Variants in OXR1 observed in about 807,000 individuals in gnomAD.
OXR1 encodes the protein oxidation resistance 1, also known as oxidation resistance protein 1.
In OXR1, 41 loss-of-function variants were observed where a neutral mutation model predicts 104.6. The ratio of observed to expected loss-of-function variants is 0.39; its 90% confidence interval spans 0.31 to 0.51. OXR1 has a LOEUF of 0.51. Ranked by LOEUF, OXR1 falls within the 20% of genes least tolerant of loss-of-function variation. The pLI is 0.77. For synonymous variants in OXR1, 348 were observed against 348.4 expected, an observed-to-expected ratio of 1.00 and a Z score of 0.01; for missense variants, 955 against 1,031.9, an observed-to-expected ratio of 0.93 and a Z score of 1.02.
intron 7 of OXR1, among the ~76,000 whole-genome samples, chr8:106,702,346 T>C (rs1193243030): frequency 6.6e-6 from 1 of 152,204 alleles, no homozygotes; most frequent in Non-Finnish European, 1.5e-5. Flanking sequence ...ACTTTAGATG[T>C]CATATAATCT....
At chr8:106,448,110 C>G in intron 2 of OXR1, 1 of 1,507,000 alleles carries the variant, frequency 6.6e-7, no homozygotes, top group Non-Finnish European at 8.9e-7. Context: ...AAAACGTTTC[C>G]TAGTTCCATT....
chr8:106,536,107 C>T (rs1209057905), intron 3 of OXR1, among the ~76,000 whole-genome samples: 1 of 151,862 alleles, frequency 6.6e-6, no homozygotes, highest in African/African-American at 2.4e-5. Flanking sequence ...GTAGTCCCAG[C>T]TACTCGGGAG....
At chr8:106,600,215 T>A (rs118102090) in intron 3 of OXR1, among the ~76,000 whole-genome samples, 3,789 of 152,310 alleles carry the variant, frequency 0.025, 67 homozygotes, top group South Asian at 0.045. Flanking sequence ...ATAGGAGTAA[T>A]GGAAACCATG....
chr8:106,725,210 G>T (rs1467786411), intron 11 of OXR1, among the ~76,000 whole-genome samples: 4 of 152,060 alleles, frequency 2.6e-5, no homozygotes, highest in African/African-American at 4.8e-5. Flanking sequence ...TGTGGGGTGT[G>T]CTGTGCCCTG....
At chr8:106,470,468 C>G (rs11990584) in intron 2 of OXR1, among the ~76,000 whole-genome samples, 1 of 151,564 alleles carries the variant, frequency 6.6e-6, no homozygotes, top group Non-Finnish European at 1.5e-5. Flanking sequence ...TGCCACCAAC[C>G]AAGATGGGAA....
intron 1 of OXR1, among the ~76,000 whole-genome samples, chr8:106,304,219 T>G (rs1813382708): frequency 6.6e-6 from 1 of 152,200 alleles, no homozygotes; most frequent in African/African-American, 2.4e-5. Context: ...ATTTATTTTT[T>G]TAAAGGCAAA....
At chr8:106,396,197 G>C (rs1817774908) in intron 2 of OXR1, among the ~76,000 whole-genome samples, 1 of 152,046 alleles carries the variant, frequency 6.6e-6, no homozygotes. Context: ...CCAGGAGGTG[G>C]AGCTTAATTC....
At chr8:106,411,553 G>C (rs1378918012) in intron 2 of OXR1, among the ~76,000 whole-genome samples, 1 of 152,154 alleles carries the variant, frequency 6.6e-6, no homozygotes, top group Non-Finnish European at 1.5e-5. Flanking sequence ...GGGTCGCTAA[G>C]CTTTCATTTT....
At chr8:106,608,074 G>A (rs916209753) in intron 3 of OXR1, among the ~76,000 whole-genome samples, 2 of 152,166 alleles carry the variant, frequency 1.3e-5, no homozygotes, top group Non-Finnish European at 2.9e-5. Flanking sequence ...TTGAGGCTAG[G>A]AATTTGAGGC....
At chr8:106,458,961 C>T (rs1327872039) in intron 2 of OXR1, among the ~76,000 whole-genome samples, 1 of 152,090 alleles carries the variant, frequency 6.6e-6, no homozygotes, top group African/African-American at 2.4e-5. Context: ...TGAATTATGC[C>T]TTGAGTCTCA....
chr8:106,682,836 G>A (rs1587074253), intron 4 of OXR1, among the ~76,000 whole-genome samples: 1 of 152,002 alleles, frequency 6.6e-6, no homozygotes, highest in East Asian at 1.9e-4. Flanking sequence ...AATGAAATTA[G>A]TATGTTGCTA....
intron 2 of OXR1, chr8:106,448,099 G>C: frequency 6.5e-7 from 1 of 1,527,910 alleles, no homozygotes; most frequent in Non-Finnish European, 8.8e-7. Flanking sequence ...GTGTTATGAA[G>C]AAAACGTTTC....
At chr8:106,373,820 C>T (rs1340852341) in intron 2 of OXR1, among the ~76,000 whole-genome samples, 1 of 152,176 alleles carries the variant, frequency 6.6e-6, no homozygotes, top group Admixed American at 6.5e-5. Context: ...GAACTCCTGA[C>T]CTCAAGTTAT....
chr8:106,331,484 AT>A (rs903331560), intron 1 of OXR1, among the ~76,000 whole-genome samples: 64 of 152,182 alleles, frequency 4.2e-4, no homozygotes, highest in African/African-American at 1.4e-3. Context: ...ATTATAAAAT[AT>A]TTTTTAAAGA....
intron 2 of OXR1, among the ~76,000 whole-genome samples, chr8:106,398,802 G>A (rs1193968343): frequency 2.0e-5 from 3 of 152,070 alleles, no homozygotes; most frequent in Non-Finnish European, 4.4e-5. Context: ...CAGGGCCTAC[G>A]CTTGAAATAA....
At chr8:106,403,132 A>G (rs1187048885) in intron 2 of OXR1, among the ~76,000 whole-genome samples, 1 of 152,244 alleles carries the variant, frequency 6.6e-6, no homozygotes, top group East Asian at 1.9e-4. Flanking sequence ...GATTGAGGGA[A>G]TATGACTCTG....
At chr8:106,605,042 A>G (rs1017040990) in intron 3 of OXR1, 17 of 152,192 alleles carry the variant, frequency 1.1e-4, no homozygotes, top group Non-Finnish European at 1.2e-4. Context: ...GCTCTCTTCA[A>G]CTTAGATTTC....
intron 3 of OXR1, among the ~76,000 whole-genome samples, chr8:106,583,606 G>T (rs1231996697): frequency 1.3e-5 from 2 of 152,122 alleles, no homozygotes; most frequent in East Asian, 3.8e-4. Flanking sequence ...AGAAGAGGAG[G>T]TAACAGTGAT....
chr8:106,662,622 A>G (rs1825873811), intron 3 of OXR1, among the ~76,000 whole-genome samples: 1 of 152,150 alleles, frequency 6.6e-6, no homozygotes. Flanking sequence ...TAATAGTAGC[A>G]TTTTCATTTT....
Sources: allele counts gnomAD v4.1 joint callset (sites outside exome capture counted in the v4.1 genomes callset), GRCh38; gene constraint gnomAD v4.1.1; transcripts MANE v1.5; gene names NCBI Gene and HGNC (gene_info 2026-07-23, HGNC 2026-07-21).